The following STPG2 variants were observed in gnomAD, a reference collection of about 807,000 sequenced individuals.
STPG2 encodes the protein sperm-tail PG-rich repeat-containing protein 2.
A neutral mutation model predicts 54.2 loss-of-function variants in STPG2; 56 were observed. That is an observed-to-expected ratio of 1.03 (90% CI 0.83 to 1.29). The LOEUF (loss-of-function observed/expected upper bound fraction) is 1.29, where lower values mean the gene tolerates loss of function less well. Among genes scored for constraint, STPG2 ranks in the 50% most tolerant of loss-of-function variants. The probability of loss-of-function intolerance (pLI) is 0.00; values close to 1 mark genes in which losing one functional copy is unlikely to be tolerated. For missense variants in STPG2, 596 were observed against 544.9 expected (o/e 1.09, Z -0.93); for synonymous variants, 200 against 181.8 (o/e 1.10, Z -0.81).
intron 5 of STPG2, among the ~76,000 whole-genome samples, chr4:98,067,988 T>C (rs1450611678): frequency 6.6e-6 from 1 of 152,188 alleles, no homozygotes; most frequent in Non-Finnish European, 1.5e-5. Context: ...TTTTCCTGAT[T>C]GTGTATCCTA....
chr4:97,774,503 G>A (rs1035679923), intron 9 of STPG2, among the ~76,000 whole-genome samples: 7 of 152,022 alleles, frequency 4.6e-5, no homozygotes, highest in Non-Finnish European at 1.0e-4. Flanking sequence ...CTCACACCAA[G>A]CATATCATGG....
At chr4:97,821,965 G>T (rs113878375) in intron 9 of STPG2, among the ~76,000 whole-genome samples, 1 of 152,154 alleles carries the variant, frequency 6.6e-6, no homozygotes, top group Admixed American at 6.5e-5. Flanking sequence ...ACTCTTTTTA[G>T]CCATGCTAAT....
chr4:97,960,056 T>A (rs1733829420), intron 7 of STPG2, among the ~76,000 whole-genome samples: 1 of 152,198 alleles, frequency 6.6e-6, no homozygotes, highest in African/African-American at 2.4e-5. Context: ...TGCAAGTCAA[T>A]AATTGTGATA....
At chr4:97,701,139 T>C (rs927118217) in intron 10 of STPG2, among the ~76,000 whole-genome samples, 3 of 152,108 alleles carry the variant, frequency 2.0e-5, no homozygotes, top group African/African-American at 4.8e-5. Context: ...AGGCAGCTCT[T>C]AATGCCTTCC....
intron 9 of STPG2, among the ~76,000 whole-genome samples, chr4:97,783,152 A>G (rs1047566526): frequency 6.6e-5 from 10 of 152,236 alleles, no homozygotes; most frequent in Non-Finnish European, 1.3e-4. Flanking sequence ...CAACCTACAG[A>G]ATGGGAGAAA....
intron 10 of STPG2, among the ~76,000 whole-genome samples, chr4:97,585,987 A>G (rs1732989018): frequency 6.6e-6 from 1 of 152,008 alleles, no homozygotes; most frequent in South Asian, 2.1e-4. Context: ...TCAAAACCAT[A>G]AAGAGAAAAG....
At chr4:97,957,529 T>C (rs1392363924) in intron 7 of STPG2, among the ~76,000 whole-genome samples, 27 of 152,124 alleles carry the variant, frequency 1.8e-4, no homozygotes, top group Non-Finnish European at 1.0e-4. Context: ...TTCCCAGCCT[T>C]GCTAAAGACC....
chr4:97,782,937 G>A (rs1006065099), intron 9 of STPG2, among the ~76,000 whole-genome samples: 1 of 152,134 alleles, frequency 6.6e-6, no homozygotes, highest in African/African-American at 2.4e-5. Context: ...ATTCAAGATG[G>A]ATTAAAGACT....
chr4:97,599,425 T>A (rs180990080), intron 10 of STPG2, among the ~76,000 whole-genome samples: 19 of 152,330 alleles, frequency 1.2e-4, no homozygotes, highest in Admixed American at 9.2e-4. Context: ...TAAATCATTC[T>A]ACCATAAAGA....
chr4:97,500,782 C>T (rs60447469), intron 4 of STPG2, among the ~76,000 whole-genome samples: 1 of 151,924 alleles, frequency 6.6e-6, no homozygotes, highest in East Asian at 1.9e-4. Flanking sequence ...AATGTAGCCA[C>T]ACGGTGATTA....
intron 5 of STPG2, among the ~76,000 whole-genome samples, chr4:98,037,561 C>T (rs186075799): frequency 1.1e-3 from 169 of 151,084 alleles, no homozygotes; most frequent in African/African-American, 3.9e-3. Flanking sequence ...CACTGATACG[C>T]AACATAGTAT....
chr4:97,913,163 G>T (rs563050145), intron 8 of STPG2, among the ~76,000 whole-genome samples: 1 of 152,238 alleles, frequency 6.6e-6, no homozygotes, highest in African/African-American at 2.4e-5. Flanking sequence ...ACAGAAACAG[G>T]CAATGAAGGA....
chr4:97,502,578 G>C (rs1480445090), intron 4 of STPG2, among the ~76,000 whole-genome samples: 1 of 151,602 alleles, frequency 6.6e-6, no homozygotes, highest in Non-Finnish European at 1.5e-5. Context: ...ACAAACAAAA[G>C]ATGATTCAAA....
intron 4 of STPG2, among the ~76,000 whole-genome samples, 157 bp from the exon 5 acceptor site, chr4:98,106,221 G>A (rs1232304497): frequency 6.6e-6 from 1 of 151,950 alleles, no homozygotes; most frequent in Admixed American, 6.6e-5. Flanking sequence ...TCAAAATTTT[G>A]TAAAATGTAT....
At chr4:97,968,912 G>A (rs533849420) in intron 7 of STPG2, among the ~76,000 whole-genome samples, 5 of 152,284 alleles carry the variant, frequency 3.3e-5, no homozygotes, top group Admixed American at 6.5e-5. Flanking sequence ...GCCTATGAAC[G>A]GATGTGCAGT....
chr4:98,051,272 G>C (rs1186377349), intron 5 of STPG2, among the ~76,000 whole-genome samples: 1 of 152,180 alleles, frequency 6.6e-6, no homozygotes, highest in Admixed American at 6.5e-5. Context: ...CATCTATACT[G>C]ATGCTACCTT....
At chr4:97,847,683 T>C (rs1383598854) in intron 8 of STPG2, among the ~76,000 whole-genome samples, 1 of 152,216 alleles carries the variant, frequency 6.6e-6, no homozygotes, top group Non-Finnish European at 1.5e-5. Context: ...GTTCTGGACA[T>C]TTGCACATCA....
chr4:98,017,206 C>T lies in STPG2; in HGVS notation c.613-35888G>A, dbSNP rs72882631. On this transcript the variant is annotated intron_variant, in intron 5 of 10. Coordinates refer to ENST00000295268, the MANE Select transcript of STPG2 (RefSeq NM_174952.3). ...GGCCTAGAGCGTGGATCTGCAAGTA[C>T]CGGCTTTTTGCCTGGGTCTTCAGTG... is the stretch of plus-strand genomic sequence containing the variant. 2.0e-3 allele frequency among the ~76,000 whole-genome samples: 306 copies of T among 152,346 alleles called. 1 individual carries two copies. The highest frequency in any genetic ancestry group is 7.2e-3 in the African/African-American group (298 of 41,588).
chr4:98,077,584 G>A (rs900554560), intron 5 of STPG2, among the ~76,000 whole-genome samples: 5 of 152,086 alleles, frequency 3.3e-5, no homozygotes, highest in Admixed American at 2.6e-4. Flanking sequence ...AAAAGTTTGA[G>A]AATTAGTGCC....
Sources: allele counts gnomAD v4.1 joint callset (sites outside exome capture counted in the v4.1 genomes callset), GRCh38; gene constraint gnomAD v4.1.1; transcripts MANE v1.5; gene names NCBI Gene and HGNC (gene_info 2026-07-23, HGNC 2026-07-21).